The following HUNK variants were observed in gnomAD, a reference collection of about 807,000 sequenced individuals.
HUNK encodes hormonally up-regulated neu tumor-associated kinase.
In HUNK, 21 loss-of-function variants were observed where a neutral mutation model predicts 61.0. The observed-to-expected ratio is 0.34, with a 90% CI of 0.24 to 0.50. The LOEUF is 0.50. Among genes scored for constraint, HUNK ranks in the 20% least tolerant of loss-of-function variants. The pLI is 0.98. For synonymous variants in HUNK, 371 were observed against 386.1 expected (o/e 0.96, Z 0.46); for missense variants, 772 against 945.7 (o/e 0.82, Z 2.41).
intron 1 of HUNK, among the ~76,000 whole-genome samples, chr21:31,900,727 G>A (rs957974412): frequency 6.2e-4 from 95 of 152,148 alleles, no homozygotes; most frequent in Non-Finnish European, 8.8e-5. Flanking sequence ...TGGGTTTATC[G>A]TGTTTATTGT....
chr21:31,898,059 G>A (rs1280045797), intron 1 of HUNK, among the ~76,000 whole-genome samples: 1 of 152,166 alleles, frequency 6.6e-6, no homozygotes, highest in Non-Finnish European at 1.5e-5. Flanking sequence ...TTCTGTTAAG[G>A]AAGACCTTAG....
intron 10 of HUNK, 23 bp downstream of exon 10, chr21:31,995,971 C>G: frequency 1.9e-6 from 3 of 1,584,964 alleles, no homozygotes; most frequent in South Asian, 1.1e-5. Flanking sequence ...TGGGGACTCT[C>G]TCAGGCCACT....
chr21:31,998,387 C>A, intron 10 of HUNK, 139 bp from the exon 11 acceptor site: 1 of 784,812 alleles, frequency 1.3e-6, no homozygotes, highest in Non-Finnish European at 2.0e-6. Flanking sequence ...TGCAAAGTAG[C>A]CAAGGCTGTT....
At chr21:31,946,803 C>T (rs531604498) in intron 4 of HUNK, among the ~76,000 whole-genome samples, 2 of 152,270 alleles carry the variant, frequency 1.3e-5, no homozygotes, top group African/African-American at 4.8e-5. Flanking sequence ...TTAGTGGAGA[C>T]GAAGTTTCAC....
intron 4 of HUNK, among the ~76,000 whole-genome samples, chr21:31,954,975 G>A (rs543726658): frequency 6.6e-6 from 1 of 151,976 alleles, no homozygotes; most frequent in Admixed American, 6.5e-5. Flanking sequence ...TAGAAATGGG[G>A]TCTCACCATG....
Position 31,999,400 on chromosome 21 carries a change from A to G in HUNK, c.*216A>G, listed in dbSNP as rs940272479. On this transcript the variant is annotated 3_prime_UTR_variant, in exon 11 of 11. Coordinates refer to ENST00000270112, the MANE Select transcript of HUNK (RefSeq NM_014586.2). ...GGAGGGTTGGCTCCAGGGGCAGCCA[A>G]TTCCTATCATTCAGATCTTCCTTCC... 4 of 514,520 alleles carry G rather than the reference A, an allele frequency of 7.8e-6. No homozygotes were observed. The highest frequency in any genetic ancestry group is 3.8e-5 in the African/African-American group (2 of 52,518). The allele number at this position is 514,520 out of a possible 1,614,324, so 31.9% of individuals were successfully genotyped here. A position where few individuals can be genotyped will look rare whatever the true frequency, so the allele number is the denominator to read the frequency against.
In HUNK at chr21:31,958,664, C is replaced by T. The variant is rs2052906221; in HGVS notation, c.747-179C>T. Among the ~76,000 whole-genome samples, 4 of 152,176 alleles carry T rather than the reference C, an allele frequency of 2.6e-5. No individual in the cohort carries two copies. In the South Asian group the frequency reaches 8.3e-4, roughly 32 times the overall value. ...GGATTACAGGCATGAGCCACCATGT[C>T]CGACCTCACCCAACTCTTTCAACAT... On this transcript the variant is annotated intron_variant, in intron 4 of 10. Coordinates refer to ENST00000270112, the MANE Select transcript of HUNK (RefSeq NM_014586.2).
At chr21:31,906,285 T>C (rs2052504848) in intron 1 of HUNK, among the ~76,000 whole-genome samples, 2 of 152,214 alleles carry the variant, frequency 1.3e-5, no homozygotes, top group Admixed American at 1.3e-4. Flanking sequence ...TTCTCAGTGC[T>C]GGGACTCTGA....
At chr21:31,993,201 T>C (rs189558920) in intron 9 of HUNK, among the ~76,000 whole-genome samples, 5 of 152,290 alleles carry the variant, frequency 3.3e-5, no homozygotes, top group Admixed American at 2.0e-4. Flanking sequence ...AGGCCAACCT[T>C]GGTCTCTTTG....
chr21:31,884,674 A>C (rs967035433), intron 1 of HUNK, among the ~76,000 whole-genome samples: 1 of 152,118 alleles, frequency 6.6e-6, no homozygotes, highest in Admixed American at 6.6e-5. Flanking sequence ...AAAAGGTGCC[A>C]TTTCTATGAG....
In HUNK at chr21:31,974,667, C is replaced by T. The variant is rs1253264264; in HGVS notation, c.1123C>T (p.Leu375=). 6 of 1,613,918 alleles carry T rather than the reference C, an allele frequency of 3.7e-6. No individual in the cohort carries two copies. The highest frequency in any genetic ancestry group is 1.6e-4 in the Middle Eastern group (1 of 6,084). The change falls in exon 7 of 11, where the codon CTG becomes TTG. Residue 375 remains leucine (L), a synonymous_variant. Coordinates refer to ENST00000270112, the MANE Select transcript of HUNK (RefSeq NM_014586.2). ...GCTCTCCAACCGCGCCTGCCACATC[C>T]TGGCCATCTACTTCCTCTTAAACAA... ...TVLSNRACHI[L]AIYFLLNKKL...
rs190833386 is a variant in HUNK, at chr21:31,999,895, T to G, written c.*711T>G. ...CCAAAGATTTTTTTTAAATGTGATG[T>G]CGGTAAATTGAAATAACATAATTTT... On this transcript the variant is annotated 3_prime_UTR_variant, in exon 11 of 11. Coordinates refer to ENST00000270112, the MANE Select transcript of HUNK (RefSeq NM_014586.2). 2.9e-6 allele frequency: 1 copy of G among 340,132 alleles called. No homozygotes were observed. The highest frequency in any genetic ancestry group is 5.3e-6 in the Non-Finnish European group (1 of 189,766). The allele number at this position is 340,132 out of a possible 1,614,324, so 21.1% of individuals were successfully genotyped here.
chr21:31,892,180 T>C (rs7279436), intron 1 of HUNK, among the ~76,000 whole-genome samples: 1 of 109,714 alleles, frequency 9.1e-6, no homozygotes, highest in Non-Finnish European at 1.8e-5. Context: ...TATATATATA[T>C]AGAGAGAGAG....
Position 31,999,455 on chromosome 21 carries a change from C to G in HUNK, c.*271C>G. Reference sequence around the variant, plus strand: ...AAGTACTCACCAACCCCTTCCACTTCCCACTTCCCCCAGGCTTGGGGGGAA... The same window carrying G: ...AAGTACTCACCAACCCCTTCCACTTGCCACTTCCCCCAGGCTTGGGGGGAA... On this transcript the variant is annotated 3_prime_UTR_variant, in exon 11 of 11. Coordinates refer to ENST00000270112, the MANE Select transcript of HUNK (RefSeq NM_014586.2). 1 of 413,166 alleles carries G rather than the reference C, an allele frequency of 2.4e-6. No homozygotes were observed. The highest frequency in any genetic ancestry group is 5.9e-5 in the South Asian group (1 of 17,046). The allele number at this position is 413,166 out of a possible 1,614,324, so 25.6% of individuals were successfully genotyped here.
chr21:31,952,891 C>T (rs2052861352), intron 4 of HUNK, among the ~76,000 whole-genome samples: 1 of 152,076 alleles, frequency 6.6e-6, no homozygotes, highest in Non-Finnish European at 1.5e-5. Context: ...GTCCCAGTCT[C>T]TCATCCCTCT....
chr21:31,945,953 C>A (rs2123831099), intron 3 of HUNK, 83 bp from the exon 4 acceptor site: 1 of 1,359,054 alleles, frequency 7.4e-7, no homozygotes, highest in South Asian at 1.4e-5. Flanking sequence ...TCCTGCTGCC[C>A]TTTTTATTTT....
At chr21:31,940,496 A>G (rs1357758135) in intron 3 of HUNK, among the ~76,000 whole-genome samples, 1 of 152,192 alleles carries the variant, frequency 6.6e-6, no homozygotes, top group African/African-American at 2.4e-5. Flanking sequence ...AAATAGTGAA[A>G]GATAGTTTGG....
intron 1 of HUNK, among the ~76,000 whole-genome samples, chr21:31,876,226 G>A (rs992737954): frequency 3.9e-5 from 6 of 152,194 alleles, no homozygotes; most frequent in South Asian, 2.1e-4. Flanking sequence ...TCTTTGGGTG[G>A]AGAAGGAGGC....
intron 2 of HUNK, among the ~76,000 whole-genome samples, chr21:31,931,917 C>T (rs985852190): frequency 2.6e-5 from 4 of 152,094 alleles, no homozygotes; most frequent in Non-Finnish European, 5.9e-5. Context: ...GATGCATGCA[C>T]GCGCGCACAC....
Sources: gnomAD v4.1 joint callset for allele counts (sites outside exome capture counted in the v4.1 genomes callset) on GRCh38, gnomAD v4.1.1 for gene constraint, MANE v1.5 for transcripts, NCBI Gene and HGNC (gene_info 2026-07-23, HGNC 2026-07-21) for gene names.